PDE7B: variants seen among roughly 807,000 people sequenced by gnomAD.
The protein encoded by PDE7B is 3',5'-cyclic-AMP phosphodiesterase 7B.
A neutral mutation model predicts 56.2 loss-of-function variants in PDE7B; 29 were observed. The ratio of observed to expected loss-of-function variants is 0.52; its 90% confidence interval spans 0.38 to 0.70. The LOEUF is 0.70. Ranked by LOEUF, PDE7B falls within the 30% of genes least tolerant of loss-of-function variation. PDE7B has a pLI of 0.00. For synonymous variants in PDE7B, 197 were observed against 196.9 expected (o/e 1.00, Z 0.00); for missense variants, 490 against 565.0 (o/e 0.87, Z 1.35).
In PDE7B at chr6:135,873,010, T is replaced by C. The variant is rs184727063; in HGVS notation, c.21+20991T>C. ...TGAACTTAGGGATGATTTTTCTCAG[T>C]TTATACTTCATTCTGTAAATAGAAA... On this transcript the variant is annotated intron_variant, in intron 1 of 12. Coordinates refer to ENST00000308191, the MANE Select transcript of PDE7B (RefSeq NM_018945.4). Among the ~76,000 whole-genome samples the C allele has an allele frequency of 1.1e-3, 164 of 152,238 alleles. 2 individuals are homozygous for C. The highest frequency in any genetic ancestry group is 7.7e-4 in the East Asian group (4 of 5,186).
chr6:136,003,580 G>C (rs969473918), intron 2 of PDE7B, among the ~76,000 whole-genome samples: 1 of 152,134 alleles, frequency 6.6e-6, no homozygotes, highest in Non-Finnish European at 1.5e-5. Context: ...ACACCTCTAT[G>C]CAAATAAACT....
chr6:135,998,781 CA>C (rs58367410), intron 2 of PDE7B, among the ~76,000 whole-genome samples: 29,072 of 145,082 alleles, frequency 0.2, 3,432 homozygotes, highest in Non-Finnish European at 0.27. Flanking sequence ...AAAAAATAAA[CA>C]AAAAAAAAAC....
chr6:135,954,081 T>G (rs913241550), intron 2 of PDE7B, among the ~76,000 whole-genome samples: 2 of 152,188 alleles, frequency 1.3e-5, no homozygotes, highest in African/African-American at 4.8e-5. Context: ...TCATTCCCCA[T>G]CACTCACCCA....
At chr6:136,016,086 C>T (rs1351026799) in intron 2 of PDE7B, among the ~76,000 whole-genome samples, 2 of 152,146 alleles carry the variant, frequency 1.3e-5, no homozygotes, top group Admixed American at 6.5e-5. Context: ...TTTACTCTTA[C>T]AGGATTGAGT....
chr6:136,053,521 G>A (rs1025588536), intron 2 of PDE7B, among the ~76,000 whole-genome samples: 6 of 152,060 alleles, frequency 3.9e-5, no homozygotes, highest in Admixed American at 1.3e-4. Flanking sequence ...ATAAACATAT[G>A]TGTGCATGTG....
At chr6:136,004,211 T>G (rs536741804) in intron 2 of PDE7B, among the ~76,000 whole-genome samples, 1 of 152,160 alleles carries the variant, frequency 6.6e-6, no homozygotes, top group Non-Finnish European at 1.5e-5. Flanking sequence ...CTCAAAATAG[T>G]AAGAGCTATC....
Position 136,173,809 on chromosome 6 carries a change from C to T in PDE7B, c.724C>T (p.Leu242=). ...LANLYQNMSV[L]ENHHWRSTIG... Reference sequence around the variant, plus strand: ...TCTTTCTTTCTAGAATATGTCTGTGCTGGAGAATCATCACTGGCGATCTAC... The same window carrying T: ...TCTTTCTTTCTAGAATATGTCTGTGTTGGAGAATCATCACTGGCGATCTAC... Residue 242 remains leucine (L), a synonymous_variant, in exon 9 of 13, where the codon CTG becomes TTG. Transcript: ENST00000308191. 1.9e-6 allele frequency: 3 copies of T among 1,604,962 alleles called. No homozygotes were observed. Among genetic ancestry groups the T allele is most frequent in the Admixed American group, 3.3e-5 (2 of 59,890 alleles).
In PDE7B at chr6:136,195,537, G is replaced by A. The variant is rs1317593672; in HGVS notation, c.*3697G>A. 3 of 146,168 alleles carry A rather than the reference G, an allele frequency of 2.1e-5. No individual in the cohort carries two copies. The highest frequency in any genetic ancestry group is 4.4e-5 in the Non-Finnish European group (3 of 67,420). The allele number at this position is 146,168 out of a possible 1,614,324, so 9.1% of individuals were successfully genotyped here. ...TAAGTAGCCATTGGCATGTCTAGAT[G>A]AACAAATAAAAATAAAGATAATTTC... On this transcript the variant is annotated 3_prime_UTR_variant, in exon 13 of 13. Transcript: ENST00000308191.
At chr6:136,149,296 G>C (rs755260830) in intron 5 of PDE7B, 146 bp downstream of exon 5, 7 of 628,488 alleles carry the variant, frequency 1.1e-5, no homozygotes, top group South Asian at 7.8e-5. Flanking sequence ...AAGAAGGACC[G>C]GGGTAAGGGA....
intron 1 of PDE7B, among the ~76,000 whole-genome samples, chr6:135,931,972 C>G (rs1774302253): frequency 6.6e-6 from 1 of 151,776 alleles, no homozygotes; most frequent in Non-Finnish European, 1.5e-5. Context: ...CACACACACA[C>G]ACACACACAC....
chr6:135,902,172 G>A (rs1344874344), intron 1 of PDE7B, among the ~76,000 whole-genome samples: 1 of 152,082 alleles, frequency 6.6e-6, no homozygotes, highest in African/African-American at 2.4e-5. Flanking sequence ...TCTCCATACT[G>A]TAGTTTGGGA....
intron 2 of PDE7B, among the ~76,000 whole-genome samples, chr6:136,082,881 T>A (rs1044572539): frequency 2.0e-5 from 3 of 152,266 alleles, no homozygotes; most frequent in African/African-American, 7.2e-5. Context: ...GAGGGCGATG[T>A]GAGACGAGAA....
chr6:136,094,340 C>G (rs1777438640), intron 2 of PDE7B: 2 of 152,664 alleles, frequency 1.3e-5, no homozygotes, highest in African/African-American at 4.8e-5. Flanking sequence ...TGCCCTCATC[C>G]CCTCACACTC....
chr6:136,050,917 C>T (rs1170994972), intron 2 of PDE7B, among the ~76,000 whole-genome samples: 3 of 152,140 alleles, frequency 2.0e-5, no homozygotes, highest in Admixed American at 6.5e-5. Context: ...CCTCCTCTTC[C>T]TCCTCCTCTC....
chr6:135,942,216 G>A (rs966387838), intron 1 of PDE7B, among the ~76,000 whole-genome samples: 2 of 152,088 alleles, frequency 1.3e-5, no homozygotes, highest in African/African-American at 4.8e-5. Flanking sequence ...AACGTATGGT[G>A]AAAGTGATGA....
chr6:135,889,800 G>GGA (rs914469976), intron 1 of PDE7B, among the ~76,000 whole-genome samples: 2 of 125,644 alleles, frequency 1.6e-5, no homozygotes, highest in Non-Finnish European at 3.2e-5. Flanking sequence ...CTGTCACCCG[G>GGA]GAGTGCAAAT....
chr6:136,104,966 G>T (rs944697951), intron 2 of PDE7B, among the ~76,000 whole-genome samples: 7 of 152,142 alleles, frequency 4.6e-5, no homozygotes, highest in Non-Finnish European at 8.8e-5. Context: ...GGGTTTGTTT[G>T]CTTGTTTAGG....
chr6:136,061,294 A>T (rs999723587), intron 2 of PDE7B, among the ~76,000 whole-genome samples: 7 of 152,174 alleles, frequency 4.6e-5, no homozygotes, highest in Non-Finnish European at 2.9e-5. Flanking sequence ...AAATATTCAC[A>T]CCGTTACATT....
At chr6:136,027,525 A>G (rs1016556975) in intron 2 of PDE7B, among the ~76,000 whole-genome samples, 4 of 152,210 alleles carry the variant, frequency 2.6e-5, no homozygotes, top group Non-Finnish European at 4.4e-5. Context: ...TATAATTTCT[A>G]TTTTTTAAAG....
Sources: gnomAD v4.1 joint callset for allele counts (sites outside exome capture counted in the v4.1 genomes callset) on GRCh38, gnomAD v4.1.1 for gene constraint, MANE v1.5 for transcripts, NCBI Gene and HGNC (gene_info 2026-07-23, HGNC 2026-07-21) for gene names.